Variants in ARHGAP15 observed in about 807,000 individuals in gnomAD.
ARHGAP15 encodes Rho GTPase activating protein 15.
ARHGAP15 carries 51 observed loss-of-function variants against 63.7 expected under a neutral mutation model. That is an observed-to-expected ratio of 0.80 (90% confidence interval 0.64 to 1.01). The LOEUF (loss-of-function observed/expected upper bound fraction) is 1.01. Among genes scored for constraint, ARHGAP15 ranks in the 50% least tolerant of loss-of-function variants. ARHGAP15 has a pLI of 0.00. For missense variants in ARHGAP15, 560 were observed against 564.6 expected (o/e 0.99, Z 0.08); for synonymous variants, 191 against 193.8 (o/e 0.99, Z 0.12).
chr2:143,621,764 C>T (rs1229412923), intron 11 of ARHGAP15, among the ~76,000 whole-genome samples: 3 of 151,986 alleles, frequency 2.0e-5, no homozygotes, highest in Non-Finnish European at 1.5e-5. Flanking sequence ...TTAGATATCA[C>T]TATGTTCGAT....
intron 10 of ARHGAP15, among the ~76,000 whole-genome samples, chr2:143,523,667 T>C (rs1694149319): frequency 6.6e-6 from 1 of 152,184 alleles, no homozygotes; most frequent in South Asian, 2.1e-4. Flanking sequence ...TTTTTGGTTT[T>C]AAGGGAATAA....
chr2:143,226,135 A>G (rs1693205957), intron 4 of ARHGAP15, among the ~76,000 whole-genome samples: 1 of 152,198 alleles, frequency 6.6e-6, no homozygotes, highest in African/African-American at 2.4e-5. Flanking sequence ...TTTTCATCCA[A>G]TTCACCTAAC....
At chr2:143,371,959 C>T (rs1349574929) in intron 6 of ARHGAP15, among the ~76,000 whole-genome samples, 1 of 151,896 alleles carries the variant, frequency 6.6e-6, no homozygotes, top group African/African-American at 2.4e-5. Context: ...CAAATCAACA[C>T]TAAAGAACTT....
intron 6 of ARHGAP15, among the ~76,000 whole-genome samples, chr2:143,371,314 A>G (rs1442256033): frequency 6.6e-6 from 1 of 151,978 alleles, no homozygotes. Flanking sequence ...TGCAAGAAGT[A>G]TAATGAGAAG....
At chr2:143,763,655 T>G in intron 13 of ARHGAP15, among the ~76,000 whole-genome samples, 1 of 149,796 alleles carries the variant, frequency 6.7e-6, no homozygotes, top group East Asian at 1.9e-4. Flanking sequence ...AAATTGCATA[T>G]ATATAAATTG....
At chr2:143,172,968 A>T (rs982946509) in intron 2 of ARHGAP15, among the ~76,000 whole-genome samples, 1 of 152,132 alleles carries the variant, frequency 6.6e-6, no homozygotes, top group Non-Finnish European at 1.5e-5. Context: ...AGGAGCCTAC[A>T]AAGAAGTTAA....
At chr2:143,567,865 C>T (rs1426763832) in intron 11 of ARHGAP15, among the ~76,000 whole-genome samples, 1 of 152,000 alleles carries the variant, frequency 6.6e-6, no homozygotes, top group Non-Finnish European at 1.5e-5. Context: ...GCTATGGCTT[C>T]AGTGAAGTAA....
chr2:143,363,593 C>T (rs1206926409), intron 6 of ARHGAP15, among the ~76,000 whole-genome samples: 1 of 152,176 alleles, frequency 6.6e-6, no homozygotes, highest in East Asian at 1.9e-4. Flanking sequence ...CTTGCCAAGG[C>T]TTTCCTTAAG....
intron 12 of ARHGAP15, among the ~76,000 whole-genome samples, chr2:143,702,118 A>G (rs989804488): frequency 2.0e-5 from 3 of 152,154 alleles, no homozygotes; most frequent in Non-Finnish European, 4.4e-5. Context: ...AGTCTTTTTT[A>G]TATCTTATTT....
intron 2 of ARHGAP15, among the ~76,000 whole-genome samples, chr2:143,191,484 T>C (rs1305213125): frequency 6.6e-6 from 1 of 152,198 alleles, no homozygotes; most frequent in African/African-American, 2.4e-5. Flanking sequence ...TCCAATATAG[T>C]GTTATACACT....
At chr2:143,130,921 T>C (rs950865001) in intron 1 of ARHGAP15, among the ~76,000 whole-genome samples, 4 of 152,180 alleles carry the variant, frequency 2.6e-5, no homozygotes, top group African/African-American at 9.6e-5. Context: ...TTTTGGTTGA[T>C]ATGTTATTAC....
At chr2:143,256,791 G>T (rs1680449436) in intron 6 of ARHGAP15, among the ~76,000 whole-genome samples, 1 of 152,142 alleles carries the variant, frequency 6.6e-6, no homozygotes, top group East Asian at 1.9e-4. Context: ...TTAAGAATAT[G>T]AATGTCAGGG....
chr2:143,536,619 C>G (rs551075153), intron 10 of ARHGAP15, among the ~76,000 whole-genome samples: 1 of 150,086 alleles, frequency 6.7e-6, no homozygotes, highest in Non-Finnish European at 1.5e-5. Flanking sequence ...CGAGAACATG[C>G]GGTGTTTGGT....
At chr2:143,389,493 G>T (rs143691141) in intron 6 of ARHGAP15, among the ~76,000 whole-genome samples, 1 of 152,060 alleles carries the variant, frequency 6.6e-6, no homozygotes, top group Non-Finnish European at 1.5e-5. Flanking sequence ...CATTTTCCCC[G>T]GCAGGTTCAG....
chr2:143,228,460 T>C, intron 4 of ARHGAP15, 121 bp from the exon 5 acceptor site: 1 of 508,672 alleles, frequency 2.0e-6, no homozygotes, highest in Non-Finnish European at 3.3e-6. Context: ...GAGGAGACTT[T>C]TAGCAAGACT....
chr2:143,179,891 C>CAA (rs77160479), intron 2 of ARHGAP15, among the ~76,000 whole-genome samples: 111 of 142,770 alleles, frequency 7.8e-4, no homozygotes, highest in African/African-American at 2.5e-3. Flanking sequence ...GACATTGTCT[C>CAA]AAAAAAAAAA....
intron 12 of ARHGAP15, chr2:143,641,310 A>G (rs148529591): frequency 6.6e-6 from 1 of 152,262 alleles, no homozygotes; most frequent in African/African-American, 2.4e-5. Context: ...GTGTATTCAT[A>G]TAGAGTATTT....
At chr2:143,168,422 T>C (rs1183935931) in intron 2 of ARHGAP15, among the ~76,000 whole-genome samples, 1 of 152,074 alleles carries the variant, frequency 6.6e-6, no homozygotes, top group African/African-American at 2.4e-5. Flanking sequence ...CAAGCAATCC[T>C]CCCACCTTGG....
chr2:143,311,863 TCAGAATAAAAACGTGTC>T (rs1413117972), intron 6 of ARHGAP15, among the ~76,000 whole-genome samples: 1 of 152,168 alleles, frequency 6.6e-6, no homozygotes, highest in African/African-American at 2.4e-5. Context: ...CTTAGGGTTT[TCAGAATAAAAACGTGTC>T]CATTTGCAGA....
Sources: allele counts gnomAD v4.1 joint callset (sites outside exome capture counted in the v4.1 genomes callset), GRCh38; gene constraint gnomAD v4.1.1; transcripts MANE v1.5; gene names NCBI Gene and HGNC (gene_info 2026-07-23, HGNC 2026-07-21).